STX8: variants seen among roughly 807,000 people sequenced by gnomAD.
STX8 encodes the protein syntaxin-8.
Under a neutral mutation model 37.5 loss-of-function variants are expected in STX8, and 23 were observed. The ratio of observed to expected loss-of-function variants is 0.61; its 90% CI spans 0.44 to 0.87. The LOEUF (loss-of-function observed/expected upper bound fraction) is 0.87, where lower values mean the gene tolerates loss of function less well. Ranked by LOEUF, STX8 falls within the 40% of genes least tolerant of loss-of-function variation. The pLI, the probability that STX8 is intolerant of heterozygous loss-of-function variation, is 0.00. For missense variants in STX8, 313 were observed against 284.7 expected, an observed-to-expected ratio of 1.10 and a Z score of -0.71; for synonymous variants, 115 against 99.1, an observed-to-expected ratio of 1.16 and a Z score of -0.95.
intron 7 of STX8, among the ~76,000 whole-genome samples, chr17:9,269,972 C>A (rs760332674): frequency 6.6e-6 from 1 of 152,156 alleles, no homozygotes; most frequent in African/African-American, 2.4e-5. Context: ...TAAACACATG[C>A]GGTACAGAAA....
intron 6 of STX8, among the ~76,000 whole-genome samples, chr17:9,384,068 C>A (rs892225681): frequency 1.1e-4 from 16 of 152,100 alleles, no homozygotes; most frequent in African/African-American, 3.9e-4. Flanking sequence ...GTTCACATTC[C>A]CACCTACAGT....
In STX8 at chr17:9,507,199, C is replaced by A. The variant is rs951405774; in HGVS notation, c.324-2037G>T. ...GGCAGTGCAGCCCCCTACAGACATG[C>A]CCCCGGCCTGCCCAAAGGCCCCACA... On this transcript the variant is annotated intron_variant, in intron 4 of 7. Coordinates refer to ENST00000306357, the MANE Select transcript of STX8 (RefSeq NM_004853.3). The surrounding 1 kb of genome is among the most constrained non-coding windows in gnomAD (Gnocchi z 4.0). 6.6e-6 allele frequency among the ~76,000 whole-genome samples: 1 copy of A among 152,074 alleles called. No individual in the cohort carries two copies. The highest frequency in any genetic ancestry group is 1.5e-5 in the Non-Finnish European group (1 of 68,010).
chr17:9,450,276 A>G (rs1372421567), intron 6 of STX8, among the ~76,000 whole-genome samples: 2 of 151,386 alleles, frequency 1.3e-5, no homozygotes, highest in Non-Finnish European at 2.9e-5. Context: ...GGGTTTCACC[A>G]TGTTGGCCAG....
At chr17:9,477,031 T>G (rs1906135035) in intron 6 of STX8, among the ~76,000 whole-genome samples, 1 of 151,990 alleles carries the variant, frequency 6.6e-6, no homozygotes, top group Non-Finnish European at 1.5e-5. Flanking sequence ...TTATTATTAT[T>G]ATTTCTTGTA....
chr17:9,492,560 G>A (rs1906900790), intron 5 of STX8, among the ~76,000 whole-genome samples: 1 of 152,186 alleles, frequency 6.6e-6, no homozygotes, highest in South Asian at 2.1e-4. Flanking sequence ...TGTAATGATG[G>A]ATATACAAGG....
chr17:9,467,294 A>G (rs1181336753), intron 6 of STX8: 3 of 152,218 alleles, frequency 2.0e-5, no homozygotes, highest in Non-Finnish European at 4.4e-5. Context: ...ACAGAAGTTA[A>G]GTAATTTGCC....
At chr17:9,454,266 C>T (rs750096889) in intron 6 of STX8, among the ~76,000 whole-genome samples, 2 of 152,206 alleles carry the variant, frequency 1.3e-5, no homozygotes, top group East Asian at 1.9e-4. Flanking sequence ...ACTCGTAGGC[C>T]GGGAGCACGT....
At chr17:9,484,542 A>G (rs1906495372) in intron 6 of STX8, among the ~76,000 whole-genome samples, 1 of 151,932 alleles carries the variant, frequency 6.6e-6, no homozygotes, top group South Asian at 2.1e-4. Flanking sequence ...AGGGCCGGGC[A>G]TGGTGGCTCA....
intron 2 of STX8, among the ~76,000 whole-genome samples, chr17:9,563,546 T>C (rs1042320961): frequency 6.6e-6 from 1 of 151,632 alleles, no homozygotes; most frequent in Non-Finnish European, 1.5e-5. Context: ...GACACACACA[T>C]ACACACGCAT....
chr17:9,434,373 G>C (rs1405804799), intron 6 of STX8, among the ~76,000 whole-genome samples: 3 of 152,196 alleles, frequency 2.0e-5, no homozygotes, highest in Non-Finnish European at 2.9e-5. Flanking sequence ...ATTTTAGCAT[G>C]AAAACAACAC....
intron 4 of STX8, among the ~76,000 whole-genome samples, chr17:9,530,573 T>C (rs973804504): frequency 4.6e-5 from 7 of 152,214 alleles, no homozygotes; most frequent in Non-Finnish European, 8.8e-5. Context: ...TGATGACTAG[T>C]GAAGTTGAAC....
At chr17:9,377,341 C>G (rs1176958995) in intron 7 of STX8, among the ~76,000 whole-genome samples, 1 of 151,776 alleles carries the variant, frequency 6.6e-6, no homozygotes, top group African/African-American at 2.4e-5. Flanking sequence ...CACTCTGTCA[C>G]CCAAGTGGAA....
chr17:9,403,867 C>T (rs1452169859), intron 6 of STX8, among the ~76,000 whole-genome samples: 1 of 151,962 alleles, frequency 6.6e-6, no homozygotes, highest in Non-Finnish European at 1.5e-5. Context: ...AGGCTGGTCT[C>T]GAACTCCTGA....
rs11318149 is a variant in STX8 at position 9,517,788 on chromosome 17, T to TAA, written c.324-12628_324-12627dup. Among the ~76,000 whole-genome samples the TAA allele has an allele frequency of 1.2e-3, 119 of 98,730 alleles. 2 individuals are homozygous for TAA. The highest frequency in any genetic ancestry group is 3.7e-3 in the African/African-American group (99 of 26,650). 64.8% of individuals were successfully genotyped at this position (98,730 alleles called of 152,430 possible). A position where few individuals can be genotyped will look rare whatever the true frequency, so the allele number is the denominator to read the frequency against. ...GGGCAACAAAGCAAGACCCCTATTG[T>TAA]AAAAAAAAAAAAAAAAAAAAAAAGG... On this transcript the variant is annotated intron_variant, in intron 4 of 7. Transcript: ENST00000306357.
chr17:9,573,080 A>ACCCCCCCCCCCCCCC (rs71135994), intron 1 of STX8, among the ~76,000 whole-genome samples: 2 of 101,578 alleles, frequency 2.0e-5, no homozygotes, highest in African/African-American at 7.5e-5. Context: ...CACCCCCAAC[A>ACCCCCCCCCCCCCCC]CCCCCCCCCA....
At chr17:9,405,714 C>A (rs1912778381) in intron 6 of STX8, among the ~76,000 whole-genome samples, 1 of 152,212 alleles carries the variant, frequency 6.6e-6, no homozygotes. Context: ...CAATGAAAAT[C>A]TGTCAGGCAG....
intron 7 of STX8, among the ~76,000 whole-genome samples, chr17:9,300,663 G>A (rs1908738727): frequency 6.6e-6 from 1 of 152,052 alleles, no homozygotes; most frequent in Admixed American, 6.6e-5. Flanking sequence ...GGCGTTCTTA[G>A]TTTTTCAGTT....
intron 6 of STX8, among the ~76,000 whole-genome samples, chr17:9,479,906 A>C (rs2142452113): frequency 6.6e-6 from 1 of 152,024 alleles, no homozygotes; most frequent in South Asian, 2.1e-4. Flanking sequence ...GCCTTCTCTC[A>C]AGGTTCTCAA....
Position 9,401,115 on chromosome 17 carries a change from A to G in STX8, c.542-22462T>C, listed in dbSNP as rs983288536. Among the ~76,000 whole-genome samples, 6 of 152,196 alleles carry G rather than the reference A, an allele frequency of 3.9e-5. No homozygotes were observed. In the East Asian group the frequency reaches 1.2e-3, roughly 29 times the overall value. On this transcript the variant is annotated intron_variant, in intron 6 of 7. Coordinates refer to ENST00000306357, the MANE Select transcript of STX8 (RefSeq NM_004853.3). ...AACAGGATCACAGCCTTACATTGCCATATCTGCCCCTGCTATTGAATATTT... is the reference window on the plus strand; with the variant it reads ...AACAGGATCACAGCCTTACATTGCCGTATCTGCCCCTGCTATTGAATATTT...
Sources: gnomAD v4.1 joint callset for allele counts (sites outside exome capture counted in the v4.1 genomes callset) on GRCh38, gnomAD v4.1.1 for gene constraint, Gnocchi (gnomAD v3.1) non-coding constraint, MANE v1.5 for transcripts, NCBI Gene and HGNC (gene_info 2026-07-23, HGNC 2026-07-21) for gene names.